The following LARP4B variants were observed in gnomAD, a reference collection of about 807,000 sequenced individuals.
The protein encoded by LARP4B is La ribonucleoprotein 4B.
Under a neutral mutation model 89.8 loss-of-function variants are expected in LARP4B, and 12 were observed. The ratio of observed to expected loss-of-function variants is 0.13; its 90% CI spans 0.09 to 0.22. LARP4B has a LOEUF of 0.22. LARP4B is among the 10% of genes least tolerant of loss of function. LARP4B has a pLI of 1.00. For synonymous variants in LARP4B, 367 were observed against 363.3 expected, an observed-to-expected ratio of 1.01 and a Z score of -0.12; for missense variants, 757 against 947.7, an observed-to-expected ratio of 0.80 and a Z score of 2.64.
chr10:849,986 G>T (rs1833961241), intron 5 of LARP4B, among the ~76,000 whole-genome samples: 1 of 152,188 alleles, frequency 6.6e-6, no homozygotes, highest in Non-Finnish European at 1.5e-5. Flanking sequence ...AATATAATGT[G>T]GTTCTCAGCT....
At chr10:825,010 A>G (rs965156681) in intron 13 of LARP4B, 55 bp downstream of exon 13, 6 of 1,472,674 alleles carry the variant, frequency 4.1e-6, no homozygotes, top group African/African-American at 2.9e-5. Flanking sequence ...TCTAAATTAA[A>G]TAATTTTTAA....
upstream of LARP4B, among the ~76,000 whole-genome samples, chr10:936,676 C>A (rs543677407): frequency 6.6e-6 from 1 of 152,114 alleles, no homozygotes; most frequent in African/African-American, 2.4e-5. Flanking sequence ...TGAGCGAGAT[C>A]GTGCCATTGC....
chr10:982,484 G>T, the LARP4B span, among the ~76,000 whole-genome samples: 1 of 152,294 alleles, frequency 6.6e-6, no homozygotes, highest in South Asian at 2.1e-4. Context: ...AGGGAAAAAA[G>T]AGCAAATTGT....
At chr10:962,166 C>T in the LARP4B span, among the ~76,000 whole-genome samples, 2 of 152,016 alleles carry the variant, frequency 1.3e-5, no homozygotes, top group South Asian at 2.1e-4. Context: ...TGTGGTAGCT[C>T]ATGCCTGTAA....
At chr10:872,144 G>A (rs750798509) in intron 3 of LARP4B, among the ~76,000 whole-genome samples, 4 of 152,210 alleles carry the variant, frequency 2.6e-5, no homozygotes, top group Non-Finnish European at 5.9e-5. Context: ...ACTACTTTCT[G>A]CGTAATTTTT....
At chr10:981,697 A>G in the LARP4B span, among the ~76,000 whole-genome samples, 135,171 of 152,146 alleles carry the variant, frequency 0.89, 60,215 homozygotes, top group Non-Finnish European at 0.9. Flanking sequence ...AGCTTCCAGA[A>G]TAGCTGGGAT....
At chr10:919,039 C>A (rs938063132) in intron 1 of LARP4B, among the ~76,000 whole-genome samples, 2 of 152,104 alleles carry the variant, frequency 1.3e-5, no homozygotes, top group Admixed American at 6.5e-5. Context: ...GGAGATCAAG[C>A]CACTGCACTC....
chr10:819,518 G>T (rs896014691), intron 14 of LARP4B: 1 of 152,234 alleles, frequency 6.6e-6, no homozygotes, highest in African/African-American at 2.4e-5. Flanking sequence ...GACGATGGGC[G>T]TATGCTCTGT....
chr10:944,771 T>C, the LARP4B span, among the ~76,000 whole-genome samples: 7 of 151,772 alleles, frequency 4.6e-5, no homozygotes, highest in Non-Finnish European at 7.3e-5. Context: ...TAAGTTCTAG[T>C]TTCTGTTTCT....
Position 825,271 on chromosome 10 carries a change from C to T in LARP4B, c.1278G>A (p.Glu426=). Residue 426 remains glutamate (E), a synonymous_variant, in exon 13 of 18, where the codon GAG becomes GAA. Coordinates refer to ENST00000316157, the MANE Select transcript of LARP4B (RefSeq NM_015155.3). The part of the protein sequence containing the change: ...SHLRHAIPSA[E]RGPGLLESPS... ...GACTTTCTAATAACCCAGGTCCCCT[C>T]TCTGCACTAGGAATCGCATGCCGCA... 1.2e-6 allele frequency: 2 copies of T among 1,614,204 alleles called. No homozygotes were observed. Among genetic ancestry groups the T allele is most frequent in the South Asian group, 2.2e-5 (2 of 91,080 alleles).
chr10:838,156 T>C (rs1833328544), intron 7 of LARP4B, among the ~76,000 whole-genome samples: 1 of 152,186 alleles, frequency 6.6e-6, no homozygotes, highest in East Asian at 1.9e-4. Flanking sequence ...AAATGGATCA[T>C]GGACCTAAGT....
At position 829,490 on chromosome 10, in the gene LARP4B, C is replaced by A. The variant is rs757728745; in HGVS notation, c.1020G>T (p.Ser340=). Residue 340 remains serine, a synonymous_variant, in exon 11 of 18, where the codon TCG becomes TCT. Coordinates refer to ENST00000316157, the MANE Select transcript of LARP4B (RefSeq NM_015155.3). ...SLYAQQRYAT[S]FYFPPMYSPQ... ...GGCTGTACATGGGAGGGAAGTAGAA[C>A]GACGTCGCGTAGCGCTGCTGGGCAT... is the stretch of plus-strand genomic sequence containing the variant. 1 of 1,614,086 alleles carries A rather than the reference C, an allele frequency of 6.2e-7. No homozygotes were observed. The highest frequency in any genetic ancestry group is 8.5e-7 in the Non-Finnish European group (1 of 1,180,010).
intron 5 of LARP4B, among the ~76,000 whole-genome samples, chr10:861,486 G>A (rs781550217): frequency 5.3e-5 from 8 of 149,864 alleles, no homozygotes; most frequent in Non-Finnish European, 1.0e-4. Context: ...CAAAGCAGAA[G>A]GTATTCTTTT....
intron 5 of LARP4B, among the ~76,000 whole-genome samples, chr10:856,797 T>C (rs1289438081): frequency 6.6e-6 from 1 of 152,186 alleles, no homozygotes; most frequent in Non-Finnish European, 1.5e-5. Context: ...GAGCACTCTG[T>C]TCTTCTTAAC....
At chr10:900,647 T>G (rs2131985521) in intron 1 of LARP4B, among the ~76,000 whole-genome samples, 1 of 141,356 alleles carries the variant, frequency 7.1e-6, no homozygotes, top group Admixed American at 7.4e-5. Context: ...TGAGAAGCAG[T>G]CTCACTCTGT....
At position 880,469 on chromosome 10, in the gene LARP4B, T is replaced by C. The variant is rs554966033; in HGVS notation, c.141+3978A>G. ...TGGGAGGCCAAGGCGGGCAGATCAC[T>C]TGAGGCCAGAGTTCGAGACCAGCTT... is the stretch of plus-strand genomic sequence containing the variant. On this transcript the variant is annotated intron_variant, in intron 3 of 17. Transcript: ENST00000316157. 2.0e-5 allele frequency among the ~76,000 whole-genome samples: 3 copies of C among 152,180 alleles called. No individual in the cohort carries two copies. In the East Asian group the frequency reaches 5.8e-4, roughly 30 times the overall value.
intron 5 of LARP4B, among the ~76,000 whole-genome samples, chr10:863,193 T>C (rs1315686591): frequency 1.3e-5 from 2 of 152,050 alleles, no homozygotes; most frequent in East Asian, 3.9e-4. Context: ...CCTCTGCACT[T>C]TTACTGACAC....
At chr10:982,096 T>C in the LARP4B span, among the ~76,000 whole-genome samples, 24 of 121,082 alleles carry the variant, frequency 2.0e-4, no homozygotes, top group Non-Finnish European at 3.1e-4. Flanking sequence ...TATAGCTTTT[T>C]TTTCTTTCTT....
intron 1 of LARP4B, among the ~76,000 whole-genome samples, chr10:896,019 G>C (rs1836179291): frequency 6.6e-6 from 1 of 152,226 alleles, no homozygotes; most frequent in Non-Finnish European, 1.5e-5. Context: ...CCCACAGAAA[G>C]GGCACTGCTG....
Sources: allele counts gnomAD v4.1 joint callset (sites outside exome capture counted in the v4.1 genomes callset), GRCh38; gene constraint gnomAD v4.1.1; transcripts MANE v1.5; gene names NCBI Gene and HGNC (gene_info 2026-07-23, HGNC 2026-07-21).